UNC5D: variants seen among roughly 807,000 people sequenced by gnomAD.
The protein encoded by UNC5D is netrin receptor UNC5D.
Under a neutral mutation model 105.4 loss-of-function variants are expected in UNC5D, and 39 were observed. That is an observed-to-expected ratio of 0.37 (90% CI 0.29 to 0.48). The LOEUF (loss-of-function observed/expected upper bound fraction) is 0.48, where lower values mean the gene tolerates loss of function less well. Ranked by LOEUF, UNC5D falls within the 20% of genes least tolerant of loss-of-function variation. UNC5D has a pLI of 0.98. For missense variants in UNC5D, 991 were observed against 1,202.4 expected, an observed-to-expected ratio of 0.82 and a Z score of 2.60; for synonymous variants, 452 against 450.4, an observed-to-expected ratio of 1.00 and a Z score of -0.04.
chr8:35,414,548 T>A (rs1805409315), intron 1 of UNC5D, among the ~76,000 whole-genome samples: 1 of 152,118 alleles, frequency 6.6e-6, no homozygotes, highest in Admixed American at 6.6e-5. Flanking sequence ...AGGATCTATA[T>A]AATGATCCTT....
At chr8:35,558,126 C>CAAA (rs34368244) in intron 2 of UNC5D, among the ~76,000 whole-genome samples, 9,477 of 83,906 alleles carry the variant, frequency 0.11, 563 homozygotes, top group East Asian at 0.33. Context: ...AACTTCGTCT[C>CAAA]AAAAAAAAAA....
At chr8:35,522,129 T>C (rs1299331231) in intron 1 of UNC5D, among the ~76,000 whole-genome samples, 1 of 152,228 alleles carries the variant, frequency 6.6e-6, no homozygotes, top group African/African-American at 2.4e-5. Context: ...ACTATCTTCA[T>C]AAAATATCTG....
At position 35,794,023 on chromosome 8, in the gene UNC5D, G is replaced by A. The variant is rs1369710641; in HGVS notation, c.*3460G>A. 1 of 152,104 alleles carries A rather than the reference G, an allele frequency of 6.6e-6. No individual in the cohort carries two copies. The highest frequency in any genetic ancestry group is 1.5e-5 in the Non-Finnish European group (1 of 68,018). 9.4% of individuals were successfully genotyped at this position (152,104 alleles called of 1,614,324 possible). ...GATTTATTGCAACTATTTTCCTTGAGAAACATTCTCAGCATCAGGATTGAT... is the reference window on the plus strand; with the variant it reads ...GATTTATTGCAACTATTTTCCTTGAAAAACATTCTCAGCATCAGGATTGAT... On this transcript the variant is annotated 3_prime_UTR_variant, in exon 17 of 17. Transcript: ENST00000404895.
At chr8:35,284,551 T>A (rs1019557429) in intron 1 of UNC5D, among the ~76,000 whole-genome samples, 3 of 151,848 alleles carry the variant, frequency 2.0e-5, no homozygotes, top group South Asian at 2.1e-4. Flanking sequence ...AAATATAATG[T>A]TTCTTTTCTT....
At chr8:35,384,230 A>C (rs1343624907) in intron 1 of UNC5D, among the ~76,000 whole-genome samples, 9 of 149,850 alleles carry the variant, frequency 6.0e-5, no homozygotes, top group Non-Finnish European at 1.3e-4. Flanking sequence ...AAAAAAAAAA[A>C]CAAAAAAAAA....
intron 15 of UNC5D, among the ~76,000 whole-genome samples, chr8:35,769,431 T>A (rs1801912347): frequency 6.6e-6 from 1 of 152,144 alleles, no homozygotes; most frequent in Admixed American, 6.5e-5. Context: ...CACCAGAAAT[T>A]TTGTCTTCCA....
At chr8:35,317,184 G>T (rs1809371035) in intron 1 of UNC5D, among the ~76,000 whole-genome samples, 1 of 152,052 alleles carries the variant, frequency 6.6e-6, no homozygotes, top group East Asian at 1.9e-4. Flanking sequence ...ATCTTCCATC[G>T]ACATTTTCTA....
intron 1 of UNC5D, among the ~76,000 whole-genome samples, chr8:35,288,018 A>C (rs1806740842): frequency 6.6e-6 from 1 of 152,164 alleles, no homozygotes; most frequent in South Asian, 2.1e-4. Flanking sequence ...CTGAAGGATG[A>C]GAGAGTGCAA....
intron 1 of UNC5D, among the ~76,000 whole-genome samples, chr8:35,276,782 A>G (rs1429527317): frequency 6.6e-6 from 1 of 152,216 alleles, no homozygotes; most frequent in African/African-American, 2.4e-5. Flanking sequence ...GCTCTTATAC[A>G]GAGGCTGTAA....
chr8:35,274,611 G>C (rs1805646956), intron 1 of UNC5D, among the ~76,000 whole-genome samples: 1 of 152,248 alleles, frequency 6.6e-6, no homozygotes, highest in South Asian at 2.1e-4. Context: ...GCCACGTTTT[G>C]TCCTTTGGTG....
chr8:35,282,225 G>A (rs1367824898), intron 1 of UNC5D, among the ~76,000 whole-genome samples: 2 of 152,162 alleles, frequency 1.3e-5, no homozygotes, highest in Non-Finnish European at 2.9e-5. Context: ...AGCATCGAAG[G>A]AGGACAGCAT....
chr8:35,405,611 G>A (rs1399564729), intron 1 of UNC5D, among the ~76,000 whole-genome samples: 1 of 151,978 alleles, frequency 6.6e-6, no homozygotes, highest in African/African-American at 2.4e-5. Flanking sequence ...TTCTATTTCT[G>A]TCAGAATTAG....
chr8:35,404,315 T>G (rs1270158940), intron 1 of UNC5D, among the ~76,000 whole-genome samples: 1 of 152,076 alleles, frequency 6.6e-6, no homozygotes, highest in Non-Finnish European at 1.5e-5. Flanking sequence ...GTCACATATG[T>G]GAGATACAAT....
At chr8:35,650,232 G>A (rs946755514) in intron 4 of UNC5D, among the ~76,000 whole-genome samples, 4 of 152,114 alleles carry the variant, frequency 2.6e-5, no homozygotes, top group Admixed American at 6.5e-5. Flanking sequence ...GGTGATGACC[G>A]AGGCTCTGGC....
chr8:35,446,963 G>C (rs1387406047), intron 1 of UNC5D, among the ~76,000 whole-genome samples: 1 of 152,058 alleles, frequency 6.6e-6, no homozygotes, highest in African/African-American at 2.4e-5. Context: ...CAGAGGTATT[G>C]GAGCAGATAT....
At chr8:35,723,388 A>G (rs1053821752) in intron 9 of UNC5D, among the ~76,000 whole-genome samples, 13 of 152,154 alleles carry the variant, frequency 8.5e-5, no homozygotes, top group African/African-American at 3.1e-4. Flanking sequence ...ATAGTTTAGT[A>G]TATGTAGTTA....
chr8:35,306,474 C>G (rs1252795379), intron 1 of UNC5D, among the ~76,000 whole-genome samples: 2 of 152,114 alleles, frequency 1.3e-5, no homozygotes, highest in African/African-American at 2.4e-5. Context: ...TGCCTGAATA[C>G]TATGAAGACT....
chr8:35,261,015 C>T (rs1804454442), intron 1 of UNC5D, among the ~76,000 whole-genome samples: 1 of 152,156 alleles, frequency 6.6e-6, no homozygotes, highest in African/African-American at 2.4e-5. Flanking sequence ...ATTTCCCTTT[C>T]TGTCTATTTT....
intron 1 of UNC5D, among the ~76,000 whole-genome samples, chr8:35,412,249 G>A (rs1805223054): frequency 1.3e-5 from 2 of 151,952 alleles, no homozygotes; most frequent in Admixed American, 6.6e-5. Flanking sequence ...CACCAGTTAG[G>A]ATTATACTTA....
Sources: gnomAD v4.1 joint callset for allele counts (sites outside exome capture counted in the v4.1 genomes callset) on GRCh38, gnomAD v4.1.1 for gene constraint, MANE v1.5 for transcripts, NCBI Gene and HGNC (gene_info 2026-07-23, HGNC 2026-07-21) for gene names.